BLTP2: variants seen among roughly 807,000 people sequenced by gnomAD.
BLTP2 encodes the protein bridge-like lipid transfer protein family member 2, also known as U937-associated antigen.
chr17:28,619,857 T>C, the BLTP2 span: 1 of 1,613,850 alleles, frequency 6.2e-7, no homozygotes, highest in Non-Finnish European at 8.5e-7. Context: ...CTGCAGTGAC[T>C]ACCTTCATGA....
At chr17:28,615,535 G>A in the BLTP2 span, 1 of 1,132,152 alleles carries the variant, frequency 8.8e-7, no homozygotes, top group East Asian at 2.4e-5. Context: ...AGGCATAGAA[G>A]CCACTCACTT....
the BLTP2 span, among the ~76,000 whole-genome samples, chr17:28,629,825 G>A: frequency 6.6e-6 from 1 of 152,044 alleles, no homozygotes; most frequent in South Asian, 2.1e-4. Context: ...ATGTTGGCCA[G>A]TCTGGTCTCA....
At chr17:28,624,356 T>TG in the BLTP2 span, 1 of 1,613,654 alleles carries the variant, frequency 6.2e-7, no homozygotes, top group Non-Finnish European at 8.5e-7. Flanking sequence ...CAAACCTATC[T>TG]GTCTCTTCAA....
chr17:28,631,460 A>G, the BLTP2 span: 1 of 1,608,586 alleles, frequency 6.2e-7, no homozygotes, highest in South Asian at 1.1e-5. Context: ...GGTAATAAAG[A>G]AAGTGTGTCA....
chr17:28,615,871 CCAGCCA>C, the BLTP2 span: 3 of 1,542,326 alleles, frequency 1.9e-6, no homozygotes, highest in South Asian at 3.5e-5. Context: ...TGAGTCCCAG[CCAGCCA>C]CTTGAGTGCC....
At chr17:28,639,881 C>T in the BLTP2 span, 3 of 1,613,982 alleles carry the variant, frequency 1.9e-6, no homozygotes, top group Non-Finnish European at 2.5e-6. Flanking sequence ...CGCTCAGTAC[C>T]AGTACCCCGA....
chr17:28,615,561 TC>T, the BLTP2 span: 5 of 1,448,250 alleles, frequency 3.5e-6, no homozygotes, highest in Middle Eastern at 1.0e-3. Flanking sequence ...ACCTGCCCCT[TC>T]CCAAGGATAT....
chr17:28,620,093 A>G, the BLTP2 span: 1 of 1,330,956 alleles, frequency 7.5e-7, no homozygotes, highest in Non-Finnish European at 1.0e-6. Flanking sequence ...AGAAAGGAGA[A>G]AGAAATGGGG....
chr17:28,631,550 C>T, the BLTP2 span: 1 of 1,614,070 alleles, frequency 6.2e-7, no homozygotes, highest in Non-Finnish European at 8.5e-7. Context: ...GTCTTTGTTA[C>T]CAAGGGATCA....
At chr17:28,631,699 A>T in the BLTP2 span, 2 of 1,613,714 alleles carry the variant, frequency 1.2e-6, no homozygotes, top group Non-Finnish European at 1.7e-6. Context: ...AAAGAGGCAC[A>T]CAGAGACCAT....
At chr17:28,639,205 TGAG>T in the BLTP2 span, 29 of 1,060,372 alleles carry the variant, frequency 2.7e-5, no homozygotes, top group South Asian at 5.2e-5. Context: ...GACTCGGATT[TGAG>T]GAGGTCAAAC....
At chr17:28,633,785 A>C in the BLTP2 span, 1 of 1,604,552 alleles carries the variant, frequency 6.2e-7, no homozygotes, top group Non-Finnish European at 8.5e-7. Context: ...TAACTTGTTC[A>C]CAACATTACC....
chr17:28,643,586 G>A, the BLTP2 span: 2 of 1,605,804 alleles, frequency 1.2e-6, no homozygotes, highest in African/African-American at 2.7e-5. Context: ...TTCTAGGGGA[G>A]AAGTGAGAAT....
At chr17:28,623,148 T>TA in the BLTP2 span, among the ~76,000 whole-genome samples, 109 of 147,516 alleles carry the variant, frequency 7.4e-4, 1 homozygote, top group African/African-American at 2.4e-3. Flanking sequence ...CATACTGACT[T>TA]AAAAAAAAAA....
At chr17:28,644,908 C>G in the BLTP2 span, 1 of 1,274,552 alleles carries the variant, frequency 7.8e-7, no homozygotes, top group Non-Finnish European at 1.1e-6. Context: ...GGCGCGCGCC[C>G]CCTCCTCAGT....
At chr17:28,628,923 G>C in the BLTP2 span, among the ~76,000 whole-genome samples, 1 of 150,274 alleles carries the variant, frequency 6.7e-6, no homozygotes, top group Admixed American at 6.6e-5. Context: ...GACAGAGAGA[G>C]ACGCAGTCTC....
the BLTP2 span, chr17:28,620,048 T>G: frequency 6.3e-7 from 1 of 1,581,764 alleles, no homozygotes; most frequent in Non-Finnish European, 8.6e-7. Flanking sequence ...GAATATGATT[T>G]TTAAGTAGAC....
At chr17:28,631,834 C>T in the BLTP2 span, 14 of 1,613,850 alleles carry the variant, frequency 8.7e-6, no homozygotes, top group African/African-American at 1.3e-5. Flanking sequence ...AGGTATAAGC[C>T]GCTGAGTCCC....
At chr17:28,642,061 C>A in the BLTP2 span, 1 of 1,614,072 alleles carries the variant, frequency 6.2e-7, no homozygotes, top group South Asian at 1.1e-5. Context: ...GTGAAAGCTC[C>A]ACTAGGCAGG....
Sources: allele counts gnomAD v4.1 joint callset (sites outside exome capture counted in the v4.1 genomes callset), GRCh38; gene constraint gnomAD v4.1.1; transcripts MANE v1.5; gene names NCBI Gene and HGNC (gene_info 2026-07-23, HGNC 2026-07-21).